The following CHADL variants were observed in gnomAD, a reference collection of about 807,000 sequenced individuals.
The protein encoded by CHADL is chondroadherin like, also known as chondroadherin-like protein.
Under a neutral mutation model 52.1 loss-of-function variants are expected in CHADL, and 48 were observed. The ratio of observed to expected loss-of-function variants is 0.92; its 90% CI spans 0.73 to 1.17. The LOEUF (loss-of-function observed/expected upper bound fraction) is 1.17. CHADL is among the 50% of genes most tolerant of loss of function. The pLI is 0.00. For synonymous variants in CHADL, 498 were observed against 511.2 expected (o/e 0.97, Z 0.35); for missense variants, 977 against 1,035.1 (o/e 0.94, Z 0.77).
In CHADL at chr22:41,238,502, C is replaced by T. The variant is rs749961686; in HGVS notation, c.570G>A (p.Ser190=). ...GLLRVRWLRL[S]HNALSVLAPE... ...GGGCCAGCACGCTGAGCGCGTTGTG[C>T]GACAGCCGCAGCCAGCGGACGCGCA... Residue 190 remains serine (S), a synonymous_variant, in exon 3 of 6, where the codon TCG becomes TCA. Coordinates refer to ENST00000216241, the MANE Select transcript of CHADL (RefSeq NM_138481.2). This position sits in a 1 kb window ranked among gnomAD's most constrained non-coding sequence, Gnocchi z 4.9. The T allele has an allele frequency of 2.6e-6, 4 of 1,539,416 alleles. No individual in the cohort carries two copies. The highest frequency in any genetic ancestry group is 2.7e-5 in the African/African-American group (2 of 72,894).
chr22:41,230,506 T>C, intron 5 of CHADL: 1 of 473,414 alleles, frequency 2.1e-6, no homozygotes, highest in Non-Finnish European at 3.8e-6. Flanking sequence ...AACCACCTTT[T>C]CCAGCCAGAG....
At chr22:41,230,331 C>A in intron 5 of CHADL, 2 of 1,064,302 alleles carry the variant, frequency 1.9e-6, no homozygotes, top group Non-Finnish European at 2.9e-6. Context: ...CTCCACCTGA[C>A]TTTGGCTTGG....
chr22:41,237,637 A>G lies in CHADL; in HGVS notation c.1435T>C (p.Tyr479His). The change falls in exon 3 of 6, where the codon TAC (tyrosine) becomes CAC (histidine). Residue 479 changes from tyrosine to histidine, a missense_variant. Transcript: ENST00000216241. Reference protein sequence around the residue: ...LAGLGRLIYLYLSDNQLAGLS... With the variant: ...LAGLGRLIYLHLSDNQLAGLS... ...CCTGCGAGCTGGTTGTCGGAGAGGT[A>G]CAGGTAGATCAGGCGGCCCAGCCCG... The G allele has an allele frequency of 6.5e-7, 1 of 1,549,864 alleles. No homozygotes were observed. Among genetic ancestry groups the G allele is most frequent in the Non-Finnish European group, 8.7e-7 (1 of 1,146,528 alleles).
At chr22:41,230,217 C>G in intron 5 of CHADL, 1 of 1,613,192 alleles carries the variant, frequency 6.2e-7, no homozygotes. Flanking sequence ...CTGCCTGTCT[C>G]CGTCGAGAAC....
intron 5 of CHADL, chr22:41,230,089 C>CCCCCCCCCCTTTTTTT: frequency 3.4e-6 from 3 of 873,242 alleles, no homozygotes; most frequent in South Asian, 1.6e-5. Context: ...GCCCCCACCC[C>CCCCCCCCCCTTTTTTT]TCCCAGAGTT....
At chr22:41,239,205 T>A (rs1431558168) in intron 2 of CHADL, among the ~76,000 whole-genome samples, 2 of 152,248 alleles carry the variant, frequency 1.3e-5, no homozygotes, top group Non-Finnish European at 2.9e-5. Flanking sequence ...AGTATCGATC[T>A]ATGGGTCACC....
At chr22:41,235,472 A>G in intron 4 of CHADL, 129 bp from the exon 5 acceptor site, 1 of 705,954 alleles carries the variant, frequency 1.4e-6, no homozygotes, top group African/African-American at 1.8e-5. Context: ...GCATGCATTC[A>G]TTCGCTCAAC....
chr22:41,232,737 T>G (rs2032648921), intron 5 of CHADL, among the ~76,000 whole-genome samples: 1 of 152,118 alleles, frequency 6.6e-6, no homozygotes, highest in South Asian at 2.1e-4. Flanking sequence ...CCGGGGTGTC[T>G]TTCCCTTTTA....
chr22:41,237,371 T>C lies in CHADL; in HGVS notation c.1701A>G (p.Pro567=), dbSNP rs1471983685. ...ITEVSLGALG[P]ARELEKLHLD... ...GGTGCAGCTTCTCCAGCTCCCGAGC[T>C]GGGCCCAGCGCCCCAAGGGACACTT... Residue 567 remains proline, a synonymous_variant, in exon 3 of 6, where the codon CCA becomes CCG. Transcript: ENST00000216241. The C allele has an allele frequency of 1.9e-6, 3 of 1,550,654 alleles. No individual in the cohort carries two copies. The highest frequency in any genetic ancestry group is 2.4e-5 in the South Asian group (2 of 84,064).
At chr22:41,231,319 ACC>A in intron 5 of CHADL, 1 of 151,164 alleles carries the variant, frequency 6.6e-6, no homozygotes, top group African/African-American at 2.4e-5. Context: ...TTCTGACCCC[ACC>A]CCCCCACCTC....
intron 5 of CHADL, among the ~76,000 whole-genome samples, chr22:41,232,215 C>G (rs2032625512): frequency 6.6e-6 from 1 of 151,870 alleles, no homozygotes; most frequent in South Asian, 2.1e-4. Context: ...ACCTGTAATC[C>G]CAGCTACTCG....
In CHADL at chr22:41,237,294, G is replaced by A; in HGVS notation, c.1778C>T (p.Pro593Leu). 6.4e-7 allele frequency: 1 copy of A among 1,550,608 alleles called. No homozygotes were observed. The highest frequency in any genetic ancestry group is 8.7e-7 in the Non-Finnish European group (1 of 1,146,936). The change falls in exon 3 of 6, where the codon CCT (proline) becomes CTT (leucine). Residue 593 changes from proline to leucine, a missense_variant. Physicochemically the swap from Pro to Leu is moderately conservative, Grantham distance 98. Coordinates refer to ENST00000216241, the MANE Select transcript of CHADL (RefSeq NM_138481.2). ...EVPTGALEGL[P>L]ALLELQLSGN... Reference sequence around the variant, plus strand: ...CGAGAGCTGCAGCTCCAGGAGGGCAGGCAGCCCCTCCAAGGCCCCAGTGGG... The same window carrying A: ...CGAGAGCTGCAGCTCCAGGAGGGCAAGCAGCCCCTCCAAGGCCCCAGTGGG...
Position 41,238,532 on chromosome 22 carries a change from C to A in CHADL, c.540G>T (p.Gly180=). 3 of 1,545,006 alleles carry A rather than the reference C, an allele frequency of 1.9e-6. No homozygotes were observed. Among genetic ancestry groups the A allele is most frequent in the Non-Finnish European group, 2.6e-6 (3 of 1,145,960 alleles). The change falls in exon 3 of 6, where the codon GGG becomes GGT. Residue 180 remains glycine (G), a synonymous_variant. Coordinates refer to ENST00000216241, the MANE Select transcript of CHADL (RefSeq NM_138481.2). This position sits in a 1 kb window ranked among gnomAD's most constrained non-coding sequence, Gnocchi z 4.9. ...LVYLPAMAFQ[G]LLRVRWLRLS... is the part of the protein sequence containing the mutation. ...GCCGCAGCCAGCGGACGCGCAGTAG[C>A]CCCTGGAAGGCCATGGCGGGCAGGT... is the stretch of plus-strand genomic sequence containing the variant.
Position 41,239,484 on chromosome 22 carries a change from G to C in CHADL, c.145C>G (p.Arg49Gly), listed in dbSNP as rs1194111213. ...CDNSRRHVAC[R>G]YQNLTEVPDA... is the part of the protein sequence containing the mutation. Reference sequence around the variant, plus strand: ...GGCACCTCAGTGAGGTTCTGGTACCGGCAGGCAACGTGTCGCCTGGAGTTG... The same window carrying C: ...GGCACCTCAGTGAGGTTCTGGTACCCGCAGGCAACGTGTCGCCTGGAGTTG... Residue 49 changes from arginine (R) to glycine (G), a missense_variant, in exon 2 of 6, where the codon CGG (arginine) becomes GGG (glycine). Coordinates refer to ENST00000216241, the MANE Select transcript of CHADL (RefSeq NM_138481.2). The C allele has an allele frequency of 6.4e-7, 1 of 1,550,636 alleles. No individual in the cohort carries two copies. The highest frequency in any genetic ancestry group is 8.7e-7 in the Non-Finnish European group (1 of 1,146,880).
At position 41,237,857 on chromosome 22, in the gene CHADL, C is replaced by T; in HGVS notation, c.1215G>A (p.Glu405=). 1 of 1,372,284 alleles carries T rather than the reference C, an allele frequency of 7.3e-7. No individual in the cohort carries two copies. The highest frequency in any genetic ancestry group is 9.4e-7 in the Non-Finnish European group (1 of 1,062,570). 85.0% of individuals were successfully genotyped at this position (1,372,284 alleles called of 1,614,324 possible). A position where few individuals can be genotyped will look rare whatever the true frequency, so the allele number is the denominator to read the frequency against. The change falls in exon 3 of 6, where the codon GAG becomes GAA. Residue 405 remains glutamate, a synonymous_variant. Coordinates refer to ENST00000216241, the MANE Select transcript of CHADL (RefSeq NM_138481.2). ...AGCCCTCGCAGCTGCTGTGCCGGGACTCGGGGACGCACACGCAGGCGCGAG... is the reference window on the plus strand; with the variant it reads ...AGCCCTCGCAGCTGCTGTGCCGGGATTCGGGGACGCACACGCAGGCGCGAG... ...PCPRACVCVP[E]SRHSSCEGCG...
At position 41,229,564 on chromosome 22, in the gene CHADL, C is replaced by T. The variant is rs143799837; in HGVS notation, c.*140G>A. On this transcript the variant is annotated 3_prime_UTR_variant, in exon 6 of 6. Coordinates refer to ENST00000216241, the MANE Select transcript of CHADL (RefSeq NM_138481.2). ...GGGAAAAGAATCCCGCCCACTAAGA[C>T]GCGACCCCTCAGACAGGGGTCCAAG... 73 of 1,612,638 alleles carry T rather than the reference C, an allele frequency of 4.5e-5. No individual in the cohort carries two copies. Among genetic ancestry groups the T allele is most frequent in the Non-Finnish European group, 4.9e-5 (58 of 1,178,892 alleles).
intron 5 of CHADL, among the ~76,000 whole-genome samples, chr22:41,232,135 A>G (rs976667497): frequency 3.8e-4 from 57 of 151,850 alleles, no homozygotes; most frequent in Admixed American, 1.4e-3. Flanking sequence ...GATCGAGACC[A>G]TCCTGGCTAA....
intron 5 of CHADL, chr22:41,230,563 TC>T: frequency 1.6e-5 from 6 of 364,698 alleles, no homozygotes; most frequent in East Asian, 1.2e-4. Flanking sequence ...TAAGATGGCC[TC>T]CCCCCGACCC....
Position 41,238,741 on chromosome 22 carries a change from G to C in CHADL, c.331C>G (p.Arg111Gly), listed in dbSNP as rs1313710311. The C allele has an allele frequency of 1.6e-5, 25 of 1,548,720 alleles. No individual in the cohort carries two copies. The highest frequency in any genetic ancestry group is 2.0e-5 in the Non-Finnish European group (23 of 1,146,678). Residue 111 changes from arginine to glycine, a missense_variant, in exon 3 of 6, where the codon CGC (arginine) becomes GGC (glycine). Coordinates refer to ENST00000216241, the MANE Select transcript of CHADL (RefSeq NM_138481.2). This position sits in a 1 kb window ranked among gnomAD's most constrained non-coding sequence, Gnocchi z 4.9. ...GAGGCCAGGTTGAGCAGGAGCAGGC[G>C]GCCCAGGCCACGGAAGGCGCCCTCG... ...VAEGAFRGLGRLLLLNLASNH... is the reference protein window; with the variant it reads ...VAEGAFRGLGGLLLLNLASNH...
Sources: gnomAD v4.1 joint callset for allele counts (sites outside exome capture counted in the v4.1 genomes callset) on GRCh38, gnomAD v4.1.1 for gene constraint, Gnocchi (gnomAD v3.1) non-coding constraint, MANE v1.5 for transcripts, NCBI Gene and HGNC (gene_info 2026-07-23, HGNC 2026-07-21) for gene names.